The following ULK4 variants were observed in gnomAD, a reference collection of about 807,000 sequenced individuals.
The protein encoded by ULK4 is inactive serine/threonine-protein kinase ULK4.
In ULK4, 133 loss-of-function variants were observed where a neutral mutation model predicts 160.6. The observed-to-expected ratio is 0.83, with a 90% CI of 0.72 to 0.96. ULK4 has a LOEUF of 0.96. Among genes scored for constraint, ULK4 ranks in the 40% least tolerant of loss-of-function variants. The probability of loss-of-function intolerance (pLI) is 0.00; values close to 1 mark genes in which losing one functional copy is unlikely to be tolerated. For synonymous variants in ULK4, 534 were observed against 539.8 expected, an observed-to-expected ratio of 0.99 and a Z score of 0.15; for missense variants, 1,580 against 1,499.5, an observed-to-expected ratio of 1.05 and a Z score of -0.89.
At chr3:41,514,786 T>C (rs2085696830) in intron 32 of ULK4, among the ~76,000 whole-genome samples, 1 of 151,010 alleles carries the variant, frequency 6.6e-6, no homozygotes, top group African/African-American at 2.4e-5. Flanking sequence ...GGGTGAGGGG[T>C]GGGAGGAAGG....
At chr3:41,614,102 A>AT (rs2032839387) in intron 31 of ULK4, among the ~76,000 whole-genome samples, 4 of 152,212 alleles carry the variant, frequency 2.6e-5, no homozygotes, top group Admixed American at 2.0e-4. Context: ...ACCAAAAGGA[A>AT]TTTTTTATGT....
intron 18 of ULK4, among the ~76,000 whole-genome samples, chr3:41,829,957 T>C (rs1193975958): frequency 6.6e-6 from 1 of 151,916 alleles, no homozygotes; most frequent in Non-Finnish European, 1.5e-5. Context: ...CATGGAATAC[T>C]ATGCAGCCAT....
Position 41,398,108 on chromosome 3 carries a change from T to C in ULK4, c.3649A>G (p.Lys1217Glu). Reference sequence around the variant, plus strand: ...CTTCTGAGAATCCTTAACAGAAGCTTCTGCTCCTTTGGGTCCTCCTTGGAT... The same window carrying C: ...CTTCTGAGAATCCTTAACAGAAGCTCCTGCTCCTTTGGGTCCTCCTTGGAT... ...LTSKEDPKEQ[K>E]LLLRILRRMI... is the part of the protein sequence containing the mutation. Residue 1217 changes from lysine (K) to glutamate (E), a missense_variant, in exon 35 of 37, where the codon AAG (lysine) becomes GAG (glutamate). Coordinates refer to ENST00000301831, the MANE Select transcript of ULK4 (RefSeq NM_017886.4). 6.2e-7 allele frequency: 1 copy of C among 1,613,160 alleles called. No homozygotes were observed.
At chr3:41,681,058 AC>A (rs1334521189) in intron 29 of ULK4, among the ~76,000 whole-genome samples, 2 of 151,956 alleles carry the variant, frequency 1.3e-5, no homozygotes, top group African/African-American at 4.8e-5. Flanking sequence ...CCTCCACCCA[AC>A]CCCTGAGAAA....
At chr3:41,435,430 ATATATC>A (rs529854196) in intron 34 of ULK4, among the ~76,000 whole-genome samples, 325 of 152,356 alleles carry the variant, frequency 2.1e-3, no homozygotes, top group African/African-American at 7.5e-3. Context: ...CAAAATAACT[ATATATC>A]TGTTTCTAGG....
At chr3:41,688,791 T>C (rs2036185334) in intron 27 of ULK4, among the ~76,000 whole-genome samples, 1 of 152,204 alleles carries the variant, frequency 6.6e-6, no homozygotes, top group Admixed American at 6.5e-5. Flanking sequence ...TCTGAGTTTC[T>C]ACCTCACTTA....
chr3:41,764,466 C>T (rs1436430609), intron 21 of ULK4, among the ~76,000 whole-genome samples: 1 of 152,112 alleles, frequency 6.6e-6, no homozygotes, highest in African/African-American at 2.4e-5. Context: ...AAAAGTGGGT[C>T]AGGTATGGTG....
rs568486856 is a variant in ULK4, at chr3:41,483,750, G to A, written c.3227-20497C>T. Among the ~76,000 whole-genome samples, 3 of 152,266 alleles carry A rather than the reference G, an allele frequency of 2.0e-5. No homozygotes were observed. In the East Asian group the frequency reaches 5.8e-4, roughly 29 times the overall value. ...GACTTTGCAAATGTGATTAAGCTAA[G>A]AATCTTGAGATGGGGCATTTTCCTG... is the stretch of plus-strand genomic sequence containing the variant. On this transcript the variant is annotated intron_variant, in intron 32 of 36. Coordinates refer to ENST00000301831, the MANE Select transcript of ULK4 (RefSeq NM_017886.4).
At chr3:41,674,296 TAA>T (rs1008166139) in intron 29 of ULK4, among the ~76,000 whole-genome samples, 6 of 152,200 alleles carry the variant, frequency 3.9e-5, no homozygotes, top group Non-Finnish European at 7.4e-5. Flanking sequence ...CTTTTAGTAC[TAA>T]GAGTTCCTTG....
intron 34 of ULK4, 108 bp downstream of exon 34, chr3:41,455,389 A>T: frequency 1.0e-6 from 1 of 1,000,010 alleles, no homozygotes; most frequent in Non-Finnish European, 1.5e-6. Context: ...TTTTGGCTCT[A>T]GTTTTGAAGG....
intron 5 of ULK4, among the ~76,000 whole-genome samples, chr3:41,927,796 G>C (rs2148819124): frequency 6.6e-6 from 1 of 152,056 alleles, no homozygotes; most frequent in Non-Finnish European, 1.5e-5. Context: ...AATGCAACAA[G>C]TAGAGCTGAC....
At chr3:41,585,210 A>C (rs1194005252) in intron 31 of ULK4, among the ~76,000 whole-genome samples, 1 of 152,186 alleles carries the variant, frequency 6.6e-6, no homozygotes, top group African/African-American at 2.4e-5. Context: ...AAAAGCCAAA[A>C]AATCTTGAAA....
chr3:41,483,260 T>C (rs2084391418), intron 32 of ULK4, among the ~76,000 whole-genome samples: 1 of 152,208 alleles, frequency 6.6e-6, no homozygotes, highest in African/African-American at 2.4e-5. Context: ...AGTGAGAACA[T>C]GTGAAGTTTC....
At chr3:41,656,820 A>C (rs2034951204) in intron 30 of ULK4, among the ~76,000 whole-genome samples, 1 of 152,052 alleles carries the variant, frequency 6.6e-6, no homozygotes, top group Non-Finnish European at 1.5e-5. Flanking sequence ...GAACATAAAC[A>C]ATTTTTTTTT....
At chr3:41,871,510 C>T (rs1379363891) in intron 17 of ULK4, among the ~76,000 whole-genome samples, 5 of 152,216 alleles carry the variant, frequency 3.3e-5, no homozygotes, top group Non-Finnish European at 7.3e-5. Flanking sequence ...TTTTCAGCAT[C>T]CTTGACAGCA....
chr3:41,678,131 C>T (rs1004546764), intron 29 of ULK4, among the ~76,000 whole-genome samples: 12 of 151,622 alleles, frequency 7.9e-5, no homozygotes, highest in African/African-American at 2.7e-4. Context: ...ACTTCTCAAC[C>T]TCTGTAATCA....
At chr3:41,559,007 C>A (rs2125590219) in intron 32 of ULK4, among the ~76,000 whole-genome samples, 1 of 133,442 alleles carries the variant, frequency 7.5e-6, no homozygotes, top group Non-Finnish European at 1.7e-5. Flanking sequence ...GGTGTATCTC[C>A]TAATGCTATC....
At chr3:41,772,499 A>G (rs542936070) in intron 21 of ULK4, among the ~76,000 whole-genome samples, 1 of 152,172 alleles carries the variant, frequency 6.6e-6, no homozygotes, top group East Asian at 1.9e-4. Context: ...CGACACATAC[A>G]CCCTCCCAAG....
intron 5 of ULK4, among the ~76,000 whole-genome samples, chr3:41,926,061 C>A (rs1005933444): frequency 6.6e-6 from 1 of 152,170 alleles, no homozygotes; most frequent in Non-Finnish European, 1.5e-5. Context: ...TTGGGAGACA[C>A]TTCCCAGTAG....
Sources: gnomAD v4.1 joint callset for allele counts (sites outside exome capture counted in the v4.1 genomes callset) on GRCh38, gnomAD v4.1.1 for gene constraint, MANE v1.5 for transcripts, NCBI Gene and HGNC (gene_info 2026-07-23, HGNC 2026-07-21) for gene names.